CCDC124: variants seen among roughly 807,000 people sequenced by gnomAD.
CCDC124 encodes the protein coiled-coil domain containing 124, also known as coiled-coil domain-containing protein 124.
CCDC124 carries 9 observed loss-of-function variants against 19.8 expected under a neutral mutation model. The observed-to-expected ratio is 0.45, with a 90% CI of 0.27 to 0.79. The LOEUF is 0.79. Ranked by LOEUF, CCDC124 falls within the 30% of genes least tolerant of loss-of-function variation. The pLI is 0.14. For missense variants in CCDC124, 285 were observed against 319.0 expected (o/e 0.89, Z 0.81); for synonymous variants, 126 against 131.3 (o/e 0.96, Z 0.27).
At chr19:17,939,483 A>C (rs12985769) in intron 2 of CCDC124, among the ~76,000 whole-genome samples, 1 of 152,078 alleles carries the variant, frequency 6.6e-6, no homozygotes, top group Non-Finnish European at 1.5e-5. Flanking sequence ...CATTGGCTTA[A>C]TCCTCCCTGT....
intron 4 of CCDC124, 56 bp downstream of exon 4, chr19:17,943,431 G>A (rs1194250810): frequency 1.5e-4 from 231 of 1,548,932 alleles, no homozygotes; most frequent in Non-Finnish European, 2.0e-4. Context: ...TCGGGGGCGG[G>A]GCTACCTGGG....
intron 1 of CCDC124, chr19:17,935,106 CTT>C (rs2031031025): frequency 6.6e-6 from 1 of 152,496 alleles, no homozygotes; most frequent in Admixed American, 6.6e-5. Flanking sequence ...GAGACGGACT[CTT>C]GCTATGTTGC....
At position 17,936,712 on chromosome 19, in the gene CCDC124, C is replaced by A; in HGVS notation, c.159+133C>A. The A allele has an allele frequency of 2.6e-6, 3 of 1,146,872 alleles. No individual in the cohort carries two copies. The East Asian group carries it at 8.0e-5, about 30-fold the overall frequency. 71.0% of individuals were successfully genotyped at this position (1,146,872 alleles called of 1,614,324 possible). A position where few individuals can be genotyped will look rare whatever the true frequency, so the allele number is the denominator to read the frequency against. On this transcript the variant is annotated intron_variant, in intron 2 of 4. Transcript: ENST00000445755. ...AAGGCCAGGAGGGACCAGGCGCTGT[C>A]GCTCACGCCTGTCATCCCAGTACTT...
chr19:17,934,258 T>C (rs1025125098), intron 1 of CCDC124, among the ~76,000 whole-genome samples: 2 of 150,606 alleles, frequency 1.3e-5, no homozygotes, highest in East Asian at 1.9e-4. Context: ...TGGTGGCAGG[T>C]GCCTGTAATC....
At chr19:17,934,895 GCCTTGTTT>G (rs143548259) in intron 1 of CCDC124, among the ~76,000 whole-genome samples, 73,958 of 142,672 alleles carry the variant, frequency 0.52, 18,599 homozygotes, top group African/African-American at 0.65. Context: ...ATGTATTGGT[GCCTTGTTT>G]CCTTGTTTCC....
In CCDC124 at chr19:17,934,282, A is replaced by G. The variant is rs540815389; in HGVS notation, c.-12+1234A>G. On this transcript the variant is annotated intron_variant, in intron 1 of 4. Transcript: ENST00000445755. ...GTGCCTGTAATCCTAGCTGCTTGGG[A>G]GGCTGAAACAGGAGAATTGCTTGAA... Among the ~76,000 whole-genome samples the G allele has an allele frequency of 6.8e-4, 102 of 149,448 alleles. 1 individual carries two copies. The highest frequency in any genetic ancestry group is 2.6e-4 in the Admixed American group (4 of 15,190).
At chr19:17,935,545 C>G (rs565852855) in intron 1 of CCDC124, among the ~76,000 whole-genome samples, 4 of 149,212 alleles carry the variant, frequency 2.7e-5, no homozygotes, top group Non-Finnish European at 6.0e-5. Context: ...CTCAGCCTCC[C>G]GAGTAGCTGG....
rs1280832467 is a variant in CCDC124, at chr19:17,933,407, G to A, written c.-12+359G>A. On this transcript the variant is annotated intron_variant, in intron 1 of 4. Coordinates refer to ENST00000445755, the MANE Select transcript of CCDC124 (RefSeq NM_001136203.2). ...GGGAGGGCTGCTTAGAGGAGGCATT[G>A]TTGAATTTTGTATTCTGTTATTTTA... 2.6e-5 allele frequency among the ~76,000 whole-genome samples: 4 copies of A among 152,194 alleles called. No homozygotes were observed. The East Asian group carries it at 7.7e-4, about 29-fold the overall frequency.
chr19:17,936,346 G>C lies in CCDC124; in HGVS notation c.-11-64G>C, dbSNP rs138010934. The C allele has an allele frequency of 3.0e-3, 4,153 of 1,370,396 alleles. 81 individuals carry two copies. The African/African-American group carries it at 0.045, about 15-fold the overall frequency. 84.9% of individuals were successfully genotyped at this position (1,370,396 alleles called of 1,614,324 possible). ...GTCATGGCTGCCCAAGTGTGATTCTGGGGGTGCTGAGTGCCGATGTCCCCT... is the reference window on the plus strand; with the variant it reads ...GTCATGGCTGCCCAAGTGTGATTCTCGGGGTGCTGAGTGCCGATGTCCCCT... On this transcript the variant is annotated intron_variant, in intron 1 of 4. Transcript: ENST00000445755.
At chr19:17,934,339 T>C (rs563662677) in intron 1 of CCDC124, among the ~76,000 whole-genome samples, 5 of 148,850 alleles carry the variant, frequency 3.4e-5, no homozygotes, top group South Asian at 4.2e-4. Flanking sequence ...TGAGCCGAGA[T>C]TGTGCCACTG....
intron 2 of CCDC124, chr19:17,937,079 A>AAGAC (rs1249048545): frequency 3.3e-5 from 5 of 152,284 alleles, no homozygotes; most frequent in Non-Finnish European, 7.3e-5. Context: ...TCAGGAGCTC[A>AAGAC]AGACCAGCCT....
chr19:17,940,971 C>T (rs1157404989), intron 2 of CCDC124, among the ~76,000 whole-genome samples: 6 of 151,196 alleles, frequency 4.0e-5, no homozygotes, highest in African/African-American at 9.7e-5. Context: ...GGCATGAACC[C>T]GGGAGGAGGA....
At chr19:17,940,249 C>T (rs1778282735) in intron 2 of CCDC124, among the ~76,000 whole-genome samples, 1 of 152,104 alleles carries the variant, frequency 6.6e-6, no homozygotes, top group Admixed American at 6.6e-5. Context: ...CAAAGCATGC[C>T]TGTCCTAGGA....
chr19:17,943,459 C>T, intron 4 of CCDC124, 49 bp from the exon 5 acceptor site: 2 of 1,586,170 alleles, frequency 1.3e-6, no homozygotes, highest in Non-Finnish European at 1.7e-6. Flanking sequence ...CCGGGCTTTT[C>T]GGGGCAAGGC....
chr19:17,933,266 C>T (rs2030985751), intron 1 of CCDC124, among the ~76,000 whole-genome samples: 1 of 152,202 alleles, frequency 6.6e-6, no homozygotes, highest in South Asian at 2.1e-4. Flanking sequence ...TTCGAGGCCA[C>T]CTGGCCCCGG....
rs1568439961 is a variant in CCDC124 at position 17,943,689 on chromosome 19, G to A, written c.646G>A (p.Ala216Thr). ...TCCTGACAACCCCATGAACCAGCGG[G>A]CCGTGCCCTTCAATGCCCCCAAGTG... Reference protein sequence around the residue: ...RSPDNPMNQRAVPFNAPK With the variant: ...RSPDNPMNQRTVPFNAPK The change falls in exon 5 of 5, where the codon GCC (alanine) becomes ACC (threonine). Residue 216 changes from alanine to threonine, a missense_variant. By Grantham distance (58) the Ala-to-Thr change is moderately conservative. Coordinates refer to ENST00000445755, the MANE Select transcript of CCDC124 (RefSeq NM_001136203.2). 1.2e-6 allele frequency: 2 copies of A among 1,612,730 alleles called. No individual in the cohort carries two copies. Among genetic ancestry groups the A allele is most frequent in the Admixed American group, 1.7e-5 (1 of 59,966 alleles).
intron 1 of CCDC124, among the ~76,000 whole-genome samples, chr19:17,935,564 G>A (rs989111028): frequency 1.3e-5 from 2 of 151,606 alleles, no homozygotes; most frequent in Non-Finnish European, 2.9e-5. Context: ...GGGATTATAG[G>A]CATGTGCCAC....
At chr19:17,939,571 T>A (rs1325249179) in intron 2 of CCDC124, among the ~76,000 whole-genome samples, 2 of 151,726 alleles carry the variant, frequency 1.3e-5, no homozygotes, top group Non-Finnish European at 2.9e-5. Flanking sequence ...AAAGCCCAGA[T>A]CACGTGGCTA....
intron 2 of CCDC124, among the ~76,000 whole-genome samples, chr19:17,941,155 G>A (rs147861457): frequency 2.3e-4 from 35 of 152,190 alleles, no homozygotes; most frequent in African/African-American, 7.5e-4. Context: ...CTCAGCCCCC[G>A]TGAGTTTCCC....
Sources: allele counts gnomAD v4.1 joint callset (sites outside exome capture counted in the v4.1 genomes callset), GRCh38; gene constraint gnomAD v4.1.1; transcripts MANE v1.5; gene names NCBI Gene and HGNC (gene_info 2026-07-23, HGNC 2026-07-21).